The following EDIL3 variants were observed in gnomAD, a reference collection of about 807,000 sequenced individuals.
EDIL3 encodes EGF-like repeat and discoidin I-like domain-containing protein 3.
In EDIL3, 37 loss-of-function variants were observed where a neutral mutation model predicts 67.4. The ratio of observed to expected loss-of-function variants is 0.55; its 90% CI spans 0.42 to 0.72. The LOEUF is 0.72. Ranked by LOEUF, EDIL3 falls within the 30% of genes least tolerant of loss-of-function variation. The pLI is 0.00. For missense variants in EDIL3, 527 were observed against 586.3 expected, an observed-to-expected ratio of 0.90 and a Z score of 1.04; for synonymous variants, 195 against 196.3, an observed-to-expected ratio of 0.99 and a Z score of 0.05.
intron 9 of EDIL3, among the ~76,000 whole-genome samples, chr5:84,007,673 T>C (rs937725238): frequency 6.6e-6 from 1 of 152,150 alleles, no homozygotes; most frequent in African/African-American, 2.4e-5. Flanking sequence ...CATACACTAT[T>C]GGTGGGAATG....
In EDIL3 at chr5:84,379,423, T is replaced by C. The variant is rs189451092; in HGVS notation, c.67+4885A>G. On this transcript the variant is annotated intron_variant, in intron 1 of 10. Coordinates refer to ENST00000296591, the MANE Select transcript of EDIL3 (RefSeq NM_005711.5). ...AGAATCTTGCAAGATCTAAAAAACA[T>C]ACACTTTACCATAATGACAAAAAGA... Among the ~76,000 whole-genome samples the C allele has an allele frequency of 7.2e-4, 110 of 152,298 alleles. 1 individual carries two copies. The highest frequency in any genetic ancestry group is 6.8e-3 in the Middle Eastern group (2 of 294).
chr5:84,042,404 C>T (rs1002375131), intron 9 of EDIL3, among the ~76,000 whole-genome samples: 1 of 151,970 alleles, frequency 6.6e-6, no homozygotes, highest in African/African-American at 2.4e-5. Context: ...GCCTCAGCCC[C>T]CCGAGTAGTT....
intron 6 of EDIL3, among the ~76,000 whole-genome samples, chr5:84,086,019 T>A (rs1267269962): frequency 6.6e-6 from 1 of 152,200 alleles, no homozygotes; most frequent in Non-Finnish European, 1.5e-5. Flanking sequence ...ACCAAGCTCA[T>A]CAACCCAGGT....
At chr5:84,163,713 AC>A (rs775421352) in intron 4 of EDIL3, among the ~76,000 whole-genome samples, 4 of 152,100 alleles carry the variant, frequency 2.6e-5, no homozygotes, top group Non-Finnish European at 4.4e-5. Flanking sequence ...TCTTTTATAG[AC>A]AGAAAAATGC....
intron 9 of EDIL3, among the ~76,000 whole-genome samples, chr5:84,023,134 GTGA>G (rs1745748618): frequency 1.3e-5 from 2 of 151,974 alleles, no homozygotes; most frequent in South Asian, 2.1e-4. Context: ...TACAACACGA[GTGA>G]TGATGATGGA....
At chr5:84,264,561 A>C (rs913824769) in intron 1 of EDIL3, among the ~76,000 whole-genome samples, 2 of 152,302 alleles carry the variant, frequency 1.3e-5, no homozygotes, top group East Asian at 3.9e-4. Context: ...ATGAGGGTCG[A>C]CAGCAAAGGA....
chr5:84,281,019 A>C (rs1230431703), intron 1 of EDIL3, among the ~76,000 whole-genome samples: 1 of 152,088 alleles, frequency 6.6e-6, no homozygotes, highest in Non-Finnish European at 1.5e-5. Flanking sequence ...GTGAAAATTA[A>C]ATAAGTTAAT....
At chr5:83,983,580 AT>A (rs1745008116) in intron 9 of EDIL3, among the ~76,000 whole-genome samples, 1 of 152,046 alleles carries the variant, frequency 6.6e-6, no homozygotes, top group Non-Finnish European at 1.5e-5. Context: ...ATTTGGCAGC[AT>A]TGTGCAATAC....
intron 4 of EDIL3, among the ~76,000 whole-genome samples, chr5:84,166,557 A>G (rs968942200): frequency 3.3e-5 from 5 of 152,190 alleles, no homozygotes; most frequent in African/African-American, 1.2e-4. Context: ...AATTACAGCA[A>G]AATGTAAACA....
At chr5:84,197,658 AAAAAAAAAAAAGCAAACAAAC>A (rs978060634) in intron 3 of EDIL3, among the ~76,000 whole-genome samples, 1 of 142,238 alleles carries the variant, frequency 7.0e-6, no homozygotes, top group Non-Finnish European at 1.5e-5. Context: ...ACTACATCTC[AAAAAAAAAAAAGCAAACAAAC>A]AAAAAAAAAG....
chr5:84,097,016 C>A (rs1201931983), intron 6 of EDIL3, among the ~76,000 whole-genome samples: 1 of 152,148 alleles, frequency 6.6e-6, no homozygotes, highest in Non-Finnish European at 1.5e-5. Context: ...GTGAGGCCTC[C>A]CCAGCCATGT....
intron 10 of EDIL3, among the ~76,000 whole-genome samples, chr5:83,950,119 TCTCCAAGACAACTGAAAG>T (rs202128568): frequency 0.014 from 2,125 of 151,896 alleles, 12 homozygotes; most frequent in Non-Finnish European, 0.018. Context: ...TCTCCAGAAG[TCTCCAAGACAACTGAAAG>T]CTCATTCCTG....
At chr5:84,374,980 T>C (rs1199402695) in intron 1 of EDIL3, among the ~76,000 whole-genome samples, 1 of 151,536 alleles carries the variant, frequency 6.6e-6, no homozygotes, top group Non-Finnish European at 1.5e-5. Context: ...TTTTTTTTTT[T>C]TTCTTTTTTT....
At chr5:84,090,714 G>A (rs1334752356) in intron 6 of EDIL3, among the ~76,000 whole-genome samples, 2 of 152,010 alleles carry the variant, frequency 1.3e-5, no homozygotes, top group African/African-American at 2.4e-5. Flanking sequence ...TTGGGAGGTC[G>A]AGGTGGGTGG....
intron 9 of EDIL3, among the ~76,000 whole-genome samples, chr5:84,042,050 T>C (rs1029079725): frequency 6.6e-6 from 1 of 152,166 alleles, no homozygotes; most frequent in Non-Finnish European, 1.5e-5. Context: ...AGAATAGCAA[T>C]AGTAATCATA....
At chr5:84,226,163 CA>C (rs1378193490) in intron 3 of EDIL3, among the ~76,000 whole-genome samples, 1 of 151,252 alleles carries the variant, frequency 6.6e-6, no homozygotes, top group Non-Finnish European at 1.5e-5. Flanking sequence ...TTCTGGCAAA[CA>C]AAAGATTTCA....
At chr5:84,232,630 A>G (rs542540331) in intron 2 of EDIL3, among the ~76,000 whole-genome samples, 6 of 152,350 alleles carry the variant, frequency 3.9e-5, no homozygotes, top group Non-Finnish European at 8.8e-5. Context: ...TAACAGAATT[A>G]CAGCCAGCAA....
At chr5:84,037,661 G>T (rs377407015) in intron 9 of EDIL3, among the ~76,000 whole-genome samples, 2 of 151,940 alleles carry the variant, frequency 1.3e-5, no homozygotes, top group Non-Finnish European at 2.9e-5. Context: ...AATTAATGAC[G>T]TTATTTATAA....
At chr5:84,361,030 A>T (rs1747586104) in intron 1 of EDIL3, among the ~76,000 whole-genome samples, 1 of 152,096 alleles carries the variant, frequency 6.6e-6, no homozygotes, top group African/African-American at 2.4e-5. Flanking sequence ...AGCAATGAGT[A>T]GCTCAGAAAC....
Sources: allele counts gnomAD v4.1 joint callset (sites outside exome capture counted in the v4.1 genomes callset), GRCh38; gene constraint gnomAD v4.1.1; transcripts MANE v1.5; gene names NCBI Gene and HGNC (gene_info 2026-07-23, HGNC 2026-07-21).